The following SDK2 variants were observed in gnomAD, a reference collection of about 807,000 sequenced individuals.
SDK2 encodes protein sidekick-2.
In SDK2, 105 loss-of-function variants were observed where a neutral mutation model predicts 253.9. That is an observed-to-expected ratio of 0.41 (90% CI 0.35 to 0.49). The LOEUF is 0.49. Among genes scored for constraint, SDK2 ranks in the 20% least tolerant of loss-of-function variants. The pLI is 0.06. For missense variants in SDK2, 2,608 were observed against 3,003.0 expected (o/e 0.87, Z 3.07); for synonymous variants, 1,249 against 1,234.9 (o/e 1.01, Z -0.24).
At position 73,453,490 on chromosome 17, in the gene SDK2, G is replaced by A. The variant is rs543947381; in HGVS notation, c.479+2416C>T. On this transcript the variant is annotated intron_variant, in intron 4 of 44. Coordinates refer to ENST00000392650, the MANE Select transcript of SDK2 (RefSeq NM_001144952.2). The stretch of plus-strand genomic sequence containing the variant: ...CCTCCCAGGTTCAAGCGATTCTCCT[G>A]TCTCAGCCTCCTGAGCAGCTGGGAC... 5.3e-4 allele frequency among the ~76,000 whole-genome samples: 80 copies of A among 151,494 alleles called. 3 individuals are homozygous for A. Among genetic ancestry groups the A allele is most frequent in the Admixed American group, 4.8e-3 (72 of 15,138 alleles).
At chr17:73,633,119 CA>C (rs34930762) in intron 1 of SDK2, among the ~76,000 whole-genome samples, 60,750 of 151,340 alleles carry the variant, frequency 0.4, 13,190 homozygotes, top group African/African-American at 0.58. Flanking sequence ...CCTGTATCTA[CA>C]AAAAAAATAA....
chr17:73,425,828 T>C (rs1280773738), intron 12 of SDK2, among the ~76,000 whole-genome samples: 1 of 151,636 alleles, frequency 6.6e-6, no homozygotes, highest in African/African-American at 2.4e-5. Flanking sequence ...TATTTAACCT[T>C]GCTAGGCCTC....
chr17:73,369,063 T>C, intron 36 of SDK2: 1 of 401,276 alleles, frequency 2.5e-6, no homozygotes, highest in Non-Finnish European at 5.2e-6. Context: ...TTCTGGAACC[T>C]TCCTTTTCAC....
chr17:73,466,938 G>GA (rs1328707411), intron 3 of SDK2, among the ~76,000 whole-genome samples: 2 of 152,162 alleles, frequency 1.3e-5, no homozygotes, highest in Admixed American at 6.5e-5. Flanking sequence ...CTCGGTTGGG[G>GA]CGAGAATCCA....
At chr17:73,448,554 C>A (rs1252811745) in intron 4 of SDK2, among the ~76,000 whole-genome samples, 1 of 151,816 alleles carries the variant, frequency 6.6e-6, no homozygotes, top group African/African-American at 2.4e-5. Flanking sequence ...TTAGTAGGGA[C>A]AGGGTTTCAC....
At chr17:73,403,795 T>C (rs1031847068) in intron 18 of SDK2, among the ~76,000 whole-genome samples, 9 of 152,208 alleles carry the variant, frequency 5.9e-5, no homozygotes, top group African/African-American at 2.2e-4. Context: ...AAATACTAAG[T>C]GGCATTTAAT....
chr17:73,550,058 C>CG (rs1193087410), intron 1 of SDK2, among the ~76,000 whole-genome samples: 1 of 152,158 alleles, frequency 6.6e-6, no homozygotes, highest in Admixed American at 6.5e-5. Context: ...CACTGAGCCC[C>CG]GGGTTTCTCC....
chr17:73,430,995 C>T (rs1351494388), intron 11 of SDK2, among the ~76,000 whole-genome samples: 1 of 152,214 alleles, frequency 6.6e-6, no homozygotes, highest in East Asian at 1.9e-4. Flanking sequence ...GAGAAGCTCT[C>T]TTACAGCAGG....
rs377291597 is a variant in SDK2, at chr17:73,345,437, C to G, written c.6165+3162G>C. On this transcript the variant is annotated intron_variant, in intron 44 of 44. Coordinates refer to ENST00000392650, the MANE Select transcript of SDK2 (RefSeq NM_001144952.2). ...ACGTGGTTATTTATACACGTATGGT[C>G]TTCCCTAGTAAATCATAACATATTA... 8.8e-4 allele frequency among the ~76,000 whole-genome samples: 134 copies of G among 152,330 alleles called. 1 individual carries two copies. The highest frequency in any genetic ancestry group is 3.1e-3 in the African/African-American group (129 of 41,580).
At chr17:73,372,559 A>G (rs2062743539) in intron 36 of SDK2, among the ~76,000 whole-genome samples, 1 of 152,008 alleles carries the variant, frequency 6.6e-6, no homozygotes, top group Admixed American at 6.6e-5. Flanking sequence ...TTTCAGCTTT[A>G]TTGAGGTATA....
chr17:73,508,977 G>C (rs999154949), intron 1 of SDK2, among the ~76,000 whole-genome samples: 1 of 152,212 alleles, frequency 6.6e-6, no homozygotes, highest in Non-Finnish European at 1.5e-5. Context: ...AGCAGCCGGC[G>C]GGGAGGAGTC....
intron 1 of SDK2, among the ~76,000 whole-genome samples, chr17:73,542,991 C>G (rs1244510868): frequency 6.6e-6 from 1 of 152,150 alleles, no homozygotes; most frequent in African/African-American, 2.4e-5. Flanking sequence ...GGGGGCCACA[C>G]AAGTTCTAGG....
Position 73,455,895 on chromosome 17 carries a change from G to T in SDK2, c.479+11C>A. On this transcript the variant is annotated intron_variant, in intron 4 of 44. Transcript: ENST00000392650. The surrounding 1 kb of genome is among the most constrained non-coding windows in gnomAD (Gnocchi z 5.0). ...CCTCCCCTCCCCGTCCCCTCAGAGC[G>T]ATGCACTCACATGCGGCTGCTGGGC... 4.6e-6 allele frequency: 7 copies of T among 1,532,982 alleles called. No homozygotes were observed. Among genetic ancestry groups the T allele is most frequent in the Non-Finnish European group, 5.3e-6 (6 of 1,142,010 alleles). The allele number at this position is 1,532,982 out of a possible 1,614,324, so 95.0% of individuals were successfully genotyped here. A position where few individuals can be genotyped will look rare whatever the true frequency, so the allele number is the denominator to read the frequency against.
chr17:73,417,715 G>A (rs779016956), intron 16 of SDK2, among the ~76,000 whole-genome samples: 1 of 151,994 alleles, frequency 6.6e-6, no homozygotes, highest in Non-Finnish European at 1.5e-5. Flanking sequence ...AGGATACAAG[G>A]CTCCCTCTTC....
At chr17:73,412,004 A>G (rs1169945442) in intron 18 of SDK2, among the ~76,000 whole-genome samples, 7 of 131,298 alleles carry the variant, frequency 5.3e-5, no homozygotes, top group East Asian at 2.2e-4. Context: ...ATACACACAT[A>G]TATATGTAGA....
intron 1 of SDK2, among the ~76,000 whole-genome samples, chr17:73,580,139 C>A (rs979021356): frequency 2.0e-5 from 3 of 152,298 alleles, no homozygotes; most frequent in South Asian, 2.1e-4. Flanking sequence ...GACTGCGGAA[C>A]AATTCATTTC....
At chr17:73,440,054 G>C (rs2063402566) in intron 6 of SDK2, among the ~76,000 whole-genome samples, 1 of 151,994 alleles carries the variant, frequency 6.6e-6, no homozygotes, top group Non-Finnish European at 1.5e-5. Context: ...ACATGGCTGG[G>C]AAGGGCTCGG....
Position 73,618,862 on chromosome 17 carries a change from A to C in SDK2, c.64+25163T>G, listed in dbSNP as rs1284891213. Among the ~76,000 whole-genome samples the C allele has an allele frequency of 6.6e-6, 1 of 152,076 alleles. No individual in the cohort carries two copies. Among genetic ancestry groups the C allele is most frequent in the Non-Finnish European group, 1.5e-5 (1 of 67,988 alleles). On this transcript the variant is annotated intron_variant, in intron 1 of 44. Transcript: ENST00000392650. The surrounding 1 kb of genome is among the most constrained non-coding windows in gnomAD (Gnocchi z 4.1). ...GCTAACAACTATGAACCCTGGACAG[A>C]ACACCAAAAAAGCAACTATTAGGGC...
intron 44 of SDK2, among the ~76,000 whole-genome samples, chr17:73,345,682 A>C (rs2062477064): frequency 6.6e-6 from 1 of 151,842 alleles, no homozygotes; most frequent in African/African-American, 2.4e-5. Context: ...GTCAATAGGG[A>C]GAATGGGGGC....
Sources: allele counts gnomAD v4.1 joint callset (sites outside exome capture counted in the v4.1 genomes callset), GRCh38; gene constraint gnomAD v4.1.1; non-coding constraint Gnocchi (gnomAD v3.1); transcripts MANE v1.5; gene names NCBI Gene and HGNC (gene_info 2026-07-23, HGNC 2026-07-21).